The following STRBP variants were observed in gnomAD, a reference collection of about 807,000 sequenced individuals.
STRBP encodes spermatid perinuclear RNA binding protein, also known as spermatid perinuclear RNA-binding protein.
In STRBP, 13 loss-of-function variants were observed where a neutral mutation model predicts 80.1. That is an observed-to-expected ratio of 0.16 (90% CI 0.11 to 0.26). The LOEUF is 0.26. Ranked by LOEUF, STRBP falls within the 10% of genes least tolerant of loss-of-function variation. The pLI is 1.00. For missense variants in STRBP, 485 were observed against 815.2 expected, an observed-to-expected ratio of 0.59 and a Z score of 4.93; for synonymous variants, 284 against 291.2, an observed-to-expected ratio of 0.98 and a Z score of 0.25.
chr9:123,127,358 C>T (rs1218144881), intron 18 of STRBP, among the ~76,000 whole-genome samples: 1 of 152,310 alleles, frequency 6.6e-6, no homozygotes, highest in African/African-American at 2.4e-5. Flanking sequence ...CCTTTCCCTT[C>T]TGTGTGGATG....
At chr9:123,185,735 A>G (rs2038670620) in intron 2 of STRBP, among the ~76,000 whole-genome samples, 1 of 152,206 alleles carries the variant, frequency 6.6e-6, no homozygotes, top group Non-Finnish European at 1.5e-5. Context: ...TCCAGCAGCC[A>G]AAAACGATTG....
rs55960341 is a variant in STRBP at position 123,121,948 on chromosome 9, TACACACACACACAC to T, written c.*3635_*3648del. The T allele has an allele frequency of 6.5e-6, 1 of 154,194 alleles. No homozygotes were observed. The highest frequency in any genetic ancestry group is 2.4e-5 in the African/African-American group (1 of 41,094). 9.6% of individuals were successfully genotyped at this position (154,194 alleles called of 1,614,324 possible). A position where few individuals can be genotyped will look rare whatever the true frequency, so the allele number is the denominator to read the frequency against. ...ACATACGTGTTATATCCTAAGTTTC[TACACACACACACAC>T]ACACACACACACTTAGTGTAAGTGA... On this transcript the variant is annotated 3_prime_UTR_variant, in exon 19 of 19. Coordinates refer to ENST00000348403, the MANE Select transcript of STRBP (RefSeq NM_018387.5).
chr9:123,259,446 C>T (rs1301238240), intron 1 of STRBP, among the ~76,000 whole-genome samples: 2 of 152,200 alleles, frequency 1.3e-5, no homozygotes, highest in African/African-American at 4.8e-5. Context: ...ATGGCTCACG[C>T]CTGTAATCCC....
chr9:123,216,869 A>G (rs1392406334), intron 2 of STRBP, among the ~76,000 whole-genome samples: 1 of 152,200 alleles, frequency 6.6e-6, no homozygotes, highest in African/African-American at 2.4e-5. Flanking sequence ...ATCAGTCTCT[A>G]TTTTAAGGTT....
At chr9:123,256,063 G>A (rs1164339980) in intron 1 of STRBP, among the ~76,000 whole-genome samples, 2 of 102,790 alleles carry the variant, frequency 1.9e-5, no homozygotes, top group Non-Finnish European at 3.6e-5. Flanking sequence ...TTGCTCTGTT[G>A]CCTAGAGTGG....
At position 123,203,926 on chromosome 9, in the gene STRBP, C is replaced by T. The variant is rs555383589; in HGVS notation, c.-164-19628G>A. Among the ~76,000 whole-genome samples the T allele has an allele frequency of 4.6e-5, 7 of 152,132 alleles. No individual in the cohort carries two copies. In the East Asian group the frequency reaches 5.8e-4, roughly 13 times the overall value. Reference sequence around the variant, plus strand: ...GGCAGAGGTTGCAGTGAGCCAAGATCGCGCCACTGCACTCCAGCCTGGGCA... The same window carrying T: ...GGCAGAGGTTGCAGTGAGCCAAGATTGCGCCACTGCACTCCAGCCTGGGCA... On this transcript the variant is annotated intron_variant, in intron 2 of 18. Coordinates refer to ENST00000348403, the MANE Select transcript of STRBP (RefSeq NM_018387.5).
chr9:123,265,755 C>T (rs999300523), intron 1 of STRBP, among the ~76,000 whole-genome samples: 3 of 152,290 alleles, frequency 2.0e-5, no homozygotes, highest in Admixed American at 2.0e-4. Context: ...TGTCTTTCCT[C>T]AATAAAGCTA....
chr9:123,190,715 C>G (rs912043435), intron 2 of STRBP, among the ~76,000 whole-genome samples: 2 of 152,204 alleles, frequency 1.3e-5, no homozygotes, highest in African/African-American at 2.4e-5. Flanking sequence ...CTAAAATATA[C>G]TGAATGAGCC....
At chr9:123,263,502 G>A (rs1353536077) in intron 1 of STRBP, among the ~76,000 whole-genome samples, 2 of 132,010 alleles carry the variant, frequency 1.5e-5, no homozygotes, top group Non-Finnish European at 3.0e-5. Context: ...TCCAGCCTGG[G>A]CCACAGAGCA....
At position 123,236,506 on chromosome 9, in the gene STRBP, A is replaced by C. The variant is rs533654137; in HGVS notation, c.-165+324T>G. Among the ~76,000 whole-genome samples the C allele has an allele frequency of 4.6e-5, 7 of 152,326 alleles. No homozygotes were observed. The South Asian group carries it at 1.4e-3, about 32-fold the overall frequency. ...ATACAAGTTCTTAACGTACTTTCTGAATCTTCAAAATGACATCAAATTATC... is the reference window on the plus strand; with the variant it reads ...ATACAAGTTCTTAACGTACTTTCTGCATCTTCAAAATGACATCAAATTATC... On this transcript the variant is annotated intron_variant, in intron 2 of 18. Coordinates refer to ENST00000348403, the MANE Select transcript of STRBP (RefSeq NM_018387.5).
At chr9:123,163,134 T>C (rs1267135333) in intron 6 of STRBP, among the ~76,000 whole-genome samples, 1 of 152,200 alleles carries the variant, frequency 6.6e-6, no homozygotes, top group African/African-American at 2.4e-5. Context: ...CAAGTAGGAA[T>C]GTCAGGAAGA....
intron 2 of STRBP, among the ~76,000 whole-genome samples, chr9:123,230,890 G>A (rs922368117): frequency 6.6e-6 from 1 of 151,996 alleles, no homozygotes; most frequent in African/African-American, 2.4e-5. Context: ...GTATTAGTAG[G>A]GGGAAAGCAC....
At chr9:123,265,253 GC>G in intron 1 of STRBP, among the ~76,000 whole-genome samples, 1 of 151,400 alleles carries the variant, frequency 6.6e-6, no homozygotes, top group South Asian at 2.1e-4. Context: ...GTTCTGCTCC[GC>G]CCTCATTATG....
At chr9:123,251,964 CCTAA>C (rs2132632192) in intron 1 of STRBP, among the ~76,000 whole-genome samples, 1 of 152,162 alleles carries the variant, frequency 6.6e-6, no homozygotes, top group South Asian at 2.1e-4. Context: ...CACAGGAATA[CCTAA>C]CTGAAAGGGA....
intron 1 of STRBP, among the ~76,000 whole-genome samples, chr9:123,256,587 ATATG>A (rs1350364131): frequency 6.6e-6 from 1 of 152,220 alleles, no homozygotes; most frequent in Non-Finnish European, 1.5e-5. Context: ...AGCTATATAT[ATATG>A]TAAGAAAAGT....
intron 1 of STRBP, among the ~76,000 whole-genome samples, chr9:123,263,410 AGCTACT>A: frequency 6.6e-6 from 1 of 151,764 alleles, no homozygotes; most frequent in South Asian, 2.1e-4. Context: ...CTGTAGTCCC[AGCTACT>A]CGAGATGCTA....
At chr9:123,159,012 G>A (rs2037409958) in intron 9 of STRBP, 84 bp downstream of exon 9, 1 of 1,112,604 alleles carries the variant, frequency 9.0e-7, no homozygotes, top group Non-Finnish European at 1.4e-6. Context: ...TTCCTGTGTA[G>A]AGAACAAACT....
chr9:123,178,965 G>A lies in STRBP; in HGVS notation c.224+42C>T, dbSNP rs1193042395. On this transcript the variant is annotated intron_variant, in intron 4 of 18. Transcript: ENST00000348403. ...ATCCAGCAGACCTTAGAGCTTTGCT[G>A]TGCACTCTAGCACAGCGTCCCAGAG... is the stretch of plus-strand genomic sequence containing the variant. The A allele has an allele frequency of 1.9e-6, 3 of 1,588,802 alleles. No individual in the cohort carries two copies. The South Asian group carries it at 3.3e-5, about 18-fold the overall frequency.
intron 1 of STRBP, among the ~76,000 whole-genome samples, chr9:123,262,227 T>C (rs1438262273): frequency 1.3e-5 from 2 of 152,222 alleles, no homozygotes; most frequent in Non-Finnish European, 2.9e-5. Flanking sequence ...TGTCAATTTA[T>C]GCTTGCTGAA....
Sources: gnomAD v4.1 joint callset for allele counts (sites outside exome capture counted in the v4.1 genomes callset) on GRCh38, gnomAD v4.1.1 for gene constraint, MANE v1.5 for transcripts, NCBI Gene and HGNC (gene_info 2026-07-23, HGNC 2026-07-21) for gene names.